Variants in CTH observed in about 807,000 individuals in gnomAD.
CTH encodes cystathionine gamma-lyase, also known as cystathionase (cystathionine gamma-lyase).
CTH carries 41 observed loss-of-function variants against 50.6 expected under a neutral mutation model. The observed-to-expected ratio is 0.81, with a 90% CI of 0.63 to 1.05. The LOEUF (loss-of-function observed/expected upper bound fraction) is 1.05. Among genes scored for constraint, CTH ranks in the 50% least tolerant of loss-of-function variants. CTH has a pLI of 0.00. For missense variants in CTH, 470 were observed against 492.6 expected (o/e 0.95, Z 0.43); for synonymous variants, 156 against 168.9 (o/e 0.92, Z 0.59).
At position 70,439,192 on chromosome 1, in the gene CTH, G is replaced by A; in HGVS notation, c.*65G>A. On this transcript the variant is annotated 3_prime_UTR_variant, in exon 12 of 12. Transcript: ENST00000370938. ...TCAAATCTTCCTGAGTAATTAAATG[G>A]ACCAACAATGAGCCTTTGCAAAATT... 16 of 1,475,758 alleles carry A rather than the reference G, an allele frequency of 1.1e-5. No individual in the cohort carries two copies. The highest frequency in any genetic ancestry group is 1.5e-5 in the Non-Finnish European group (16 of 1,054,008). The allele number at this position is 1,475,758 out of a possible 1,614,324, so 91.4% of individuals were successfully genotyped here.
rs1373080214 is a variant in CTH at position 70,416,041 on chromosome 1, A to C, written c.250+4A>C. ...GCACTGGATGGGGCTAAGTACTGTA[A>C]GTAATTTCCATTTCACAGTCTAGAA... is the stretch of plus-strand genomic sequence containing the variant. On this transcript the variant is annotated splice_donor_region_variant and intron_variant, in intron 2 of 11. Coordinates refer to ENST00000370938, the MANE Select transcript of CTH (RefSeq NM_001902.6). 1 of 1,484,866 alleles carries C rather than the reference A, an allele frequency of 6.7e-7. No individual in the cohort carries two copies. Among genetic ancestry groups the C allele is most frequent in the South Asian group, 1.1e-5 (1 of 88,366 alleles). 92.0% of individuals were successfully genotyped at this position (1,484,866 alleles called of 1,614,324 possible).
At position 70,411,286 on chromosome 1, in the gene CTH, C is replaced by G. The variant is rs1268510088; in HGVS notation, c.-130C>G. 4.4e-6 allele frequency: 4 copies of G among 899,272 alleles called. No individual in the cohort carries two copies. The highest frequency in any genetic ancestry group is 7.6e-6 in the Non-Finnish European group (4 of 529,414). The allele number at this position is 899,272 out of a possible 1,614,324, so 55.7% of individuals were successfully genotyped here. On this transcript the variant is annotated 5_prime_UTR_variant, in exon 1 of 12. Transcript: ENST00000370938. ...GCTGTGTGCCGCTTTAGTGCGCTCG[C>G]CGTCGGCTCTACCTGCGTGCTTTAG...
intron 10 of CTH, 46 bp from the exon 11 acceptor site, chr1:70,438,642 A>C: frequency 1.9e-6 from 3 of 1,609,982 alleles, no homozygotes; most frequent in Non-Finnish European, 2.5e-6. Flanking sequence ...ACATGCCTCC[A>C]CTGACACAAT....
intron 4 of CTH, 146 bp from the exon 5 acceptor site, chr1:70,424,139 G>C: frequency 6.8e-7 from 1 of 1,463,466 alleles, no homozygotes; most frequent in Non-Finnish European, 9.3e-7. Flanking sequence ...TTGCAGGTAA[G>C]GCTGGGATTC....
chr1:70,419,394 A>G (rs906057177), intron 3 of CTH, among the ~76,000 whole-genome samples: 2 of 152,196 alleles, frequency 1.3e-5, no homozygotes, highest in Non-Finnish European at 2.9e-5. Context: ...CTGAGGAATC[A>G]CCACACTGAC....
rs994893614 is a variant in CTH, at chr1:70,425,162, T to A, written c.588+746T>A. 1.2e-4 allele frequency among the ~76,000 whole-genome samples: 18 copies of A among 152,318 alleles called. No homozygotes were observed. In the South Asian group the frequency reaches 3.3e-3, roughly 28 times the overall value. On this transcript the variant is annotated intron_variant, in intron 5 of 11. Coordinates refer to ENST00000370938, the MANE Select transcript of CTH (RefSeq NM_001902.6). ...ATACATATTATTTCTCTTCTTCTAG[T>A]TTTTATTCCTTCAGCACTCCATATA... is the stretch of plus-strand genomic sequence containing the variant.
At chr1:70,426,365 T>C (rs966482561) in intron 5 of CTH, among the ~76,000 whole-genome samples, 3 of 152,198 alleles carry the variant, frequency 2.0e-5, no homozygotes, top group African/African-American at 7.2e-5. Flanking sequence ...TCATCTCTAT[T>C]CTGCAGAGTT....
chr1:70,416,488 A>T (rs1684093712), intron 2 of CTH, among the ~76,000 whole-genome samples: 1 of 151,472 alleles, frequency 6.6e-6, no homozygotes, highest in Non-Finnish European at 1.5e-5. Flanking sequence ...CTCCTCCAGG[A>T]TTCAAGCGAT....
intron 5 of CTH, among the ~76,000 whole-genome samples, chr1:70,424,983 CTTA>C (rs1305555119): frequency 5.9e-5 from 9 of 151,950 alleles, no homozygotes; most frequent in Admixed American, 1.3e-4. Context: ...AAGAAATGGC[CTTA>C]TTATGTGATT....
intron 11 of CTH, 32 bp from the exon 12 acceptor site, chr1:70,439,069 T>C (rs1325751375): frequency 6.3e-7 from 1 of 1,591,064 alleles, no homozygotes; most frequent in Admixed American, 1.7e-5. Flanking sequence ...ATATGTTTAA[T>C]AACATATTTT....
rs879720071 is a variant in CTH at position 70,418,530 on chromosome 1, G to A, written c.346+498G>A. On this transcript the variant is annotated intron_variant, in intron 3 of 11. Coordinates refer to ENST00000370938, the MANE Select transcript of CTH (RefSeq NM_001902.6). ...CTCCCAAAGTTTTGGAATTACGGGC[G>A]CGAGCCGCCTCACCTGGCCAGAGAT... Among the ~76,000 whole-genome samples, 4 of 152,304 alleles carry A rather than the reference G, an allele frequency of 2.6e-5. No homozygotes were observed. The South Asian group carries it at 6.2e-4, about 24-fold the overall frequency.
At chr1:70,429,725 C>A in intron 5 of CTH, 69 bp from the exon 6 acceptor site, 1 of 1,076,918 alleles carries the variant, frequency 9.3e-7, no homozygotes, top group African/African-American at 1.6e-5. Flanking sequence ...TTTATAATTG[C>A]AAATAGGCAG....
intron 4 of CTH, among the ~76,000 whole-genome samples, chr1:70,423,750 G>A (rs768340510): frequency 6.6e-6 from 1 of 152,004 alleles, no homozygotes; most frequent in Non-Finnish European, 1.5e-5. Context: ...TTCTGTTGTG[G>A]GTGTCACTTT....
intron 4 of CTH, among the ~76,000 whole-genome samples, chr1:70,424,045 T>C (rs1684288481): frequency 6.6e-6 from 1 of 152,214 alleles, no homozygotes; most frequent in South Asian, 2.1e-4. Flanking sequence ...CACTTGATCT[T>C]TACAAAAAAT....
intron 8 of CTH, among the ~76,000 whole-genome samples, chr1:70,433,517 G>C (rs1303941423): frequency 6.6e-6 from 1 of 152,190 alleles, no homozygotes; most frequent in Non-Finnish European, 1.5e-5. Flanking sequence ...GGCTAAGACA[G>C]ATACTAAGCA....
Position 70,429,825 on chromosome 1 carries a change from T to C in CTH, c.620T>C (p.Met207Thr), listed in dbSNP as rs376661491. Reference sequence around the variant, plus strand: ...TTGGCTCTGGGAGCTGATATTTCTATGTATTCTGCAACAAAATACATGAAT... The same window carrying C: ...TTGGCTCTGGGAGCTGATATTTCTACGTATTCTGCAACAAAATACATGAAT... Reference protein sequence around the residue: ...RPLALGADISMYSATKYMNGH... With the variant: ...RPLALGADISTYSATKYMNGH... The change falls in exon 6 of 12, where the codon ATG (methionine) becomes ACG (threonine). Residue 207 changes from methionine to threonine, a missense_variant. Met to Thr is a moderately conservative substitution (Grantham distance 81). Coordinates refer to ENST00000370938, the MANE Select transcript of CTH (RefSeq NM_001902.6). 195 of 1,613,330 alleles carry C rather than the reference T, an allele frequency of 1.2e-4. No individual in the cohort carries two copies. The highest frequency in any genetic ancestry group is 6.6e-4 in the Middle Eastern group (4 of 6,056).
Position 70,412,793 on chromosome 1 carries a change from G to A in CTH, c.168+1210G>A, listed in dbSNP as rs1683997709. On this transcript the variant is annotated intron_variant, in intron 1 of 11. Coordinates refer to ENST00000370938, the MANE Select transcript of CTH (RefSeq NM_001902.6). ...GTTGAGATGTATTTAAGGCTGTATA[G>A]TACATAATAATTACTCGATGGTAAT... is the stretch of plus-strand genomic sequence containing the variant. Among the ~76,000 whole-genome samples, 4 of 152,138 alleles carry A rather than the reference G, an allele frequency of 2.6e-5. No individual in the cohort carries two copies. The South Asian group carries it at 8.3e-4, about 31-fold the overall frequency.
In CTH at chr1:70,417,936, G is replaced by A. The variant is rs28498802; in HGVS notation, c.251-1G>A. On this transcript the variant is annotated splice_acceptor_variant, in intron 2 of 11. Transcript: ENST00000370938. LOFTEE classifies it high-confidence loss of function. ...TTACTCTAACTTGATTTTTATTTTAGGTTTGGCCTTTGCTTCAGGTTTAGC... is the reference window on the plus strand; with the variant it reads ...TTACTCTAACTTGATTTTTATTTTAAGTTTGGCCTTTGCTTCAGGTTTAGC... 1 of 1,613,874 alleles carries A rather than the reference G, an allele frequency of 6.2e-7. No homozygotes were observed.
intron 5 of CTH, among the ~76,000 whole-genome samples, chr1:70,425,529 T>C (rs1297896189): frequency 6.6e-6 from 1 of 152,152 alleles, no homozygotes; most frequent in Non-Finnish European, 1.5e-5. Flanking sequence ...CACACTGCTA[T>C]AAAGAAATAA....
Sources: allele counts gnomAD v4.1 joint callset (sites outside exome capture counted in the v4.1 genomes callset), GRCh38; gene constraint gnomAD v4.1.1; transcripts MANE v1.5; gene names NCBI Gene and HGNC (gene_info 2026-07-23, HGNC 2026-07-21).